SGMS1: variants seen among roughly 807,000 people sequenced by gnomAD.
SGMS1 encodes the protein sphingomyelin synthase 1.
In SGMS1, 13 loss-of-function variants were observed where a neutral mutation model predicts 46.2. The ratio of observed to expected loss-of-function variants is 0.28; its 90% CI spans 0.18 to 0.45. The LOEUF (loss-of-function observed/expected upper bound fraction) is 0.45. Ranked by LOEUF, SGMS1 falls within the 20% of genes least tolerant of loss-of-function variation. The pLI is 1.00. For missense variants in SGMS1, 324 were observed against 519.9 expected, an observed-to-expected ratio of 0.62 and a Z score of 3.66; for synonymous variants, 203 against 187.8, an observed-to-expected ratio of 1.08 and a Z score of -0.66.
chr10:50,309,835 A>G (rs1847228519), intron 9 of SGMS1, among the ~76,000 whole-genome samples: 1 of 152,108 alleles, frequency 6.6e-6, no homozygotes, highest in South Asian at 2.1e-4. Flanking sequence ...TCTCTACCCC[A>G]TAATCCATCC....
chr10:50,411,922 C>T (rs995413753), intron 6 of SGMS1, among the ~76,000 whole-genome samples: 1 of 152,204 alleles, frequency 6.6e-6, no homozygotes, highest in Non-Finnish European at 1.5e-5. Context: ...TGAAAGTTAG[C>T]TTAATGAAGG....
At chr10:50,541,505 T>C (rs1838052005) in intron 2 of SGMS1, among the ~76,000 whole-genome samples, 1 of 152,222 alleles carries the variant, frequency 6.6e-6, no homozygotes, top group South Asian at 2.1e-4. Flanking sequence ...TCTGTCTTCA[T>C]GATGACTCGA....
intron 5 of SGMS1, among the ~76,000 whole-genome samples, chr10:50,460,461 G>C (rs1837249895): frequency 6.6e-6 from 1 of 152,312 alleles, no homozygotes; most frequent in South Asian, 2.1e-4. Context: ...TCAAGGGTCT[G>C]AATCAGAGTT....
chr10:50,462,423 G>T (rs1320736294), intron 4 of SGMS1, among the ~76,000 whole-genome samples: 1 of 152,122 alleles, frequency 6.6e-6, no homozygotes, highest in Non-Finnish European at 1.5e-5. Context: ...ACCTTACCAG[G>T]TCTCATATTA....
chr10:50,601,575 C>T (rs1838650348), intron 1 of SGMS1, among the ~76,000 whole-genome samples: 1 of 152,198 alleles, frequency 6.6e-6, no homozygotes, highest in Non-Finnish European at 1.5e-5. Context: ...GGTTAAGTGG[C>T]TTACCCTAGG....
chr10:50,429,188 A>G lies in SGMS1; in HGVS notation c.-232+4288T>C, dbSNP rs573720209. On this transcript the variant is annotated intron_variant, in intron 6 of 10. Transcript: ENST00000361781. ...TTAAAACACACAAGCACAGACAGGT[A>G]TAGTCATGCACTGCATAACAATGTT... Among the ~76,000 whole-genome samples, 8 of 152,354 alleles carry G rather than the reference A, an allele frequency of 5.3e-5. No individual in the cohort carries two copies. In the South Asian group the frequency reaches 1.4e-3, roughly 28 times the overall value.
At chr10:50,553,996 C>T (rs566030966) in intron 2 of SGMS1, among the ~76,000 whole-genome samples, 14 of 152,238 alleles carry the variant, frequency 9.2e-5, no homozygotes, top group African/African-American at 3.4e-4. Flanking sequence ...GAAAGTCTTC[C>T]CAGCATGTCA....
At chr10:50,480,459 C>T (rs1460659669) in intron 3 of SGMS1, among the ~76,000 whole-genome samples, 1 of 152,018 alleles carries the variant, frequency 6.6e-6, no homozygotes, top group African/African-American at 2.4e-5. Context: ...CTCACTGGGA[C>T]TGACTAGGTA....
intron 2 of SGMS1, among the ~76,000 whole-genome samples, chr10:50,565,434 A>G (rs945128086): frequency 6.6e-6 from 1 of 152,220 alleles, no homozygotes; most frequent in Non-Finnish European, 1.5e-5. Flanking sequence ...GAAAGTAAGC[A>G]GCACCCTTTG....
At chr10:50,445,619 C>T (rs983388513) in intron 5 of SGMS1, among the ~76,000 whole-genome samples, 5 of 152,194 alleles carry the variant, frequency 3.3e-5, no homozygotes, top group African/African-American at 1.2e-4. Flanking sequence ...ATTTCCTACG[C>T]CTGTCTTTAC....
chr10:50,551,656 G>A (rs944717030), intron 2 of SGMS1, among the ~76,000 whole-genome samples: 2 of 152,072 alleles, frequency 1.3e-5, no homozygotes, highest in African/African-American at 4.8e-5. Context: ...CAACTTTTCT[G>A]TAAATCTAAA....
intron 6 of SGMS1, among the ~76,000 whole-genome samples, chr10:50,362,212 C>T (rs1848261051): frequency 6.6e-6 from 1 of 152,140 alleles, no homozygotes; most frequent in African/African-American, 2.4e-5. Context: ...TAACTGCTGA[C>T]ATTTTAATAC....
intron 6 of SGMS1, among the ~76,000 whole-genome samples, chr10:50,380,777 T>TC (rs1848591844): frequency 7.7e-6 from 1 of 129,106 alleles, no homozygotes; most frequent in Admixed American, 8.1e-5. Flanking sequence ...TCACACTCTC[T>TC]TTTTTTAACT....
chr10:50,364,091 G>T (rs2133423187), intron 6 of SGMS1, among the ~76,000 whole-genome samples: 1 of 151,330 alleles, frequency 6.6e-6, no homozygotes, highest in Non-Finnish European at 1.5e-5. Flanking sequence ...AGGAACAATA[G>T]AAAAAGTTGA....
chr10:50,587,665 G>GTGTT (rs1434238010), intron 2 of SGMS1, among the ~76,000 whole-genome samples: 3 of 151,642 alleles, frequency 2.0e-5, no homozygotes, highest in Non-Finnish European at 4.4e-5. Flanking sequence ...GTGTGTGTGT[G>GTGTT]TGTGTGTGTG....
intron 6 of SGMS1, among the ~76,000 whole-genome samples, chr10:50,379,933 A>T (rs1564895613): frequency 6.6e-6 from 1 of 152,222 alleles, no homozygotes; most frequent in Non-Finnish European, 1.5e-5. Flanking sequence ...CAAGGCCTGA[A>T]GCTTGAGTAA....
At chr10:50,403,535 C>CAACA (rs751311021) in intron 6 of SGMS1, among the ~76,000 whole-genome samples, 11 of 152,004 alleles carry the variant, frequency 7.2e-5, no homozygotes, top group Non-Finnish European at 1.3e-4. Flanking sequence ...TTCATTCATT[C>CAACA]AACACATGGT....
At chr10:50,510,139 T>C (rs1837741187) in intron 3 of SGMS1, among the ~76,000 whole-genome samples, 3 of 152,208 alleles carry the variant, frequency 2.0e-5, no homozygotes, top group African/African-American at 7.2e-5. Flanking sequence ...GTCATTTAAA[T>C]TGAATCATAA....
intron 2 of SGMS1, among the ~76,000 whole-genome samples, chr10:50,580,586 A>C (rs1338364597): frequency 6.6e-6 from 1 of 152,180 alleles, no homozygotes; most frequent in East Asian, 1.9e-4. Context: ...GGTTGATATT[A>C]ATGACGTGAG....
Sources: gnomAD v4.1 joint callset for allele counts (sites outside exome capture counted in the v4.1 genomes callset) on GRCh38, gnomAD v4.1.1 for gene constraint, MANE v1.5 for transcripts, NCBI Gene and HGNC (gene_info 2026-07-23, HGNC 2026-07-21) for gene names.